FOXO3: variants seen among roughly 807,000 people sequenced by gnomAD.
FOXO3 encodes the protein forkhead box O3.
Under a neutral mutation model 41.9 loss-of-function variants are expected in FOXO3, and 4 were observed. The observed-to-expected ratio is 0.10, with a 90% CI of 0.05 to 0.22. The LOEUF (loss-of-function observed/expected upper bound fraction) is 0.22, where lower values mean the gene tolerates loss of function less well. FOXO3 is among the 10% of genes least tolerant of loss of function. The pLI is 1.00. For synonymous variants in FOXO3, 318 were observed against 389.3 expected, an observed-to-expected ratio of 0.82 and a Z score of 2.16; for missense variants, 534 against 906.8, an observed-to-expected ratio of 0.59 and a Z score of 5.28.
intron 1 of FOXO3, among the ~76,000 whole-genome samples, chr6:108,650,259 T>G (rs1018838713): frequency 6.6e-6 from 1 of 152,216 alleles, no homozygotes; most frequent in Non-Finnish European, 1.5e-5. Flanking sequence ...GGACACGTGC[T>G]GGTTGAGGAG....
At chr6:108,652,971 C>T (rs1778586765) in intron 1 of FOXO3, among the ~76,000 whole-genome samples, 1 of 152,166 alleles carries the variant, frequency 6.6e-6, no homozygotes, top group African/African-American at 2.4e-5. Context: ...CACCGAGTAG[C>T]ACACACCCTA....
At chr6:108,620,693 C>G (rs1373760692) in intron 1 of FOXO3, among the ~76,000 whole-genome samples, 1 of 152,104 alleles carries the variant, frequency 6.6e-6, no homozygotes, top group Non-Finnish European at 1.5e-5. Context: ...TTTTCTTTCT[C>G]TTAGTCAATA....
intron 1 of FOXO3, among the ~76,000 whole-genome samples, chr6:108,580,169 A>G (rs1409061728): frequency 7.2e-6 from 1 of 139,552 alleles, no homozygotes; most frequent in Non-Finnish European, 1.5e-5. Context: ...CTTTATGAGT[A>G]TTAGCTCTTC....
At chr6:108,571,123 T>C (rs1014893280) in intron 1 of FOXO3, among the ~76,000 whole-genome samples, 3 of 152,236 alleles carry the variant, frequency 2.0e-5, no homozygotes, top group Non-Finnish European at 1.5e-5. Flanking sequence ...TTGGGACTTT[T>C]GATATTTTCC....
At chr6:108,596,427 T>A (rs1178574373) in intron 1 of FOXO3, among the ~76,000 whole-genome samples, 1 of 141,514 alleles carries the variant, frequency 7.1e-6, no homozygotes, top group African/African-American at 2.6e-5. Context: ...AAAGTAGTAA[T>A]GTGGACTCAG....
intron 1 of FOXO3, among the ~76,000 whole-genome samples, chr6:108,646,726 C>T (rs560105871): frequency 6.6e-6 from 1 of 152,254 alleles, no homozygotes; most frequent in South Asian, 2.1e-4. Context: ...ATGTGTACTT[C>T]TTTAGTGCTG....
chr6:108,624,461 TA>T (rs1777756846), intron 1 of FOXO3, among the ~76,000 whole-genome samples: 1 of 152,146 alleles, frequency 6.6e-6, no homozygotes, highest in Non-Finnish European at 1.5e-5. Flanking sequence ...GTTTTTTGCT[TA>T]ATAAATAGTG....
chr6:108,649,008 TA>T (rs10612637), intron 1 of FOXO3, among the ~76,000 whole-genome samples: 43,813 of 79,108 alleles, frequency 0.55, 11,716 homozygotes, highest in East Asian at 0.67. Flanking sequence ...ACCTATCTCT[TA>T]AAAAAAAAAA....
At chr6:108,599,901 T>C (rs892914698) in intron 1 of FOXO3, among the ~76,000 whole-genome samples, 1 of 152,216 alleles carries the variant, frequency 6.6e-6, no homozygotes, top group Admixed American at 6.5e-5. Flanking sequence ...CAGCAAAATA[T>C]TGGGTGGCTG....
In FOXO3 at chr6:108,656,154, GA is replaced by G. The variant is rs373596197; in HGVS notation, c.622-7300del. 3.3e-5 allele frequency among the ~76,000 whole-genome samples: 5 copies of G among 151,166 alleles called. No homozygotes were observed. The East Asian group carries it at 7.8e-4, about 24-fold the overall frequency. On this transcript the variant is annotated intron_variant, in intron 1 of 2. Coordinates refer to ENST00000406360, the MANE Select transcript of FOXO3 (RefSeq NM_001455.4). Reference sequence around the variant, plus strand: ...CCACCTCAAAAAAAAAAAGAGAGAGGAGGGGGTTGTCTTTAAAGAAAAAAAA... The same window carrying G: ...CCACCTCAAAAAAAAAAAGAGAGAGGGGGGGTTGTCTTTAAAGAAAAAAAA...
At chr6:108,616,909 T>C (rs1032331971) in intron 1 of FOXO3, among the ~76,000 whole-genome samples, 2 of 152,222 alleles carry the variant, frequency 1.3e-5, no homozygotes, top group African/African-American at 4.8e-5. Flanking sequence ...GAGTGCCTTC[T>C]TTCACTTAGT....
At chr6:108,560,882 T>G (rs1182366998), upstream of FOXO3, 1 of 996,904 alleles carries the variant, frequency 1.0e-6, no homozygotes, top group Non-Finnish European at 1.3e-6. Flanking sequence ...GGCCGTCGAT[T>G]CGCTCGCGGC....
At chr6:108,565,616 T>TG (rs1775929628) in intron 1 of FOXO3, among the ~76,000 whole-genome samples, 1 of 152,146 alleles carries the variant, frequency 6.6e-6, no homozygotes, top group African/African-American at 2.4e-5. Flanking sequence ...TTCACAAGTG[T>TG]GGGGGATACT....
chr6:108,652,543 G>A (rs1778575211), intron 1 of FOXO3, among the ~76,000 whole-genome samples: 1 of 152,350 alleles, frequency 6.6e-6, no homozygotes, highest in South Asian at 2.1e-4. Context: ...GAAATACACA[G>A]TGCAGTGGTG....
chr6:108,577,743 A>G (rs1186727601), intron 1 of FOXO3, among the ~76,000 whole-genome samples: 1 of 152,186 alleles, frequency 6.6e-6, no homozygotes, highest in African/African-American at 2.4e-5. Flanking sequence ...TTTAGTACTG[A>G]CTTTTAGATG....
At chr6:108,594,400 G>A (rs1379774962) in intron 1 of FOXO3, among the ~76,000 whole-genome samples, 1 of 152,176 alleles carries the variant, frequency 6.6e-6, no homozygotes, top group East Asian at 1.9e-4. Flanking sequence ...AAACTGTGAA[G>A]TTAACATAGT....
At chr6:108,656,291 C>T (rs1316043688) in intron 1 of FOXO3, 1 of 848,278 alleles carries the variant, frequency 1.2e-6, no homozygotes, top group Non-Finnish European at 1.4e-6. Flanking sequence ...CATGTTGCTT[C>T]CAGACAAAAA....
At chr6:108,563,776 A>T (rs1312821302) in intron 1 of FOXO3, among the ~76,000 whole-genome samples, 1 of 152,212 alleles carries the variant, frequency 6.6e-6, no homozygotes, top group Non-Finnish European at 1.5e-5. Context: ...GTTAAATATA[A>T]TAAGTTTAAT....
chr6:108,682,758 G>A lies in FOXO3; in HGVS notation c.*2966G>A, dbSNP rs989954763. 6.6e-6 allele frequency: 1 copy of A among 152,272 alleles called. No homozygotes were observed. Among genetic ancestry groups the A allele is most frequent in the Non-Finnish European group, 1.5e-5 (1 of 68,046 alleles). The allele number at this position is 152,272 out of a possible 1,614,324, so 9.4% of individuals were successfully genotyped here. A position where few individuals can be genotyped will look rare whatever the true frequency, so the allele number is the denominator to read the frequency against. ...TAATTTTCTGATCTGGAGCATATCA[G>A]CAGAATGCTTAGCCTCAAGGGGCCT... On this transcript the variant is annotated 3_prime_UTR_variant, in exon 3 of 3. Transcript: ENST00000406360.
Sources: allele counts gnomAD v4.1 joint callset (sites outside exome capture counted in the v4.1 genomes callset), GRCh38; gene constraint gnomAD v4.1.1; transcripts MANE v1.5; gene names NCBI Gene and HGNC (gene_info 2026-07-23, HGNC 2026-07-21).